The following DCDC1 variants were observed in gnomAD, a reference collection of about 807,000 sequenced individuals.
DCDC1 encodes the protein doublecortin domain containing 1, also known as doublecortin domain-containing protein 1.
A neutral mutation model predicts 178.3 loss-of-function variants in DCDC1; 200 were observed. That is an observed-to-expected ratio of 1.12 (90% CI 1.00 to 1.26). DCDC1 has a LOEUF of 1.26. DCDC1 is among the 50% of genes most tolerant of loss of function. DCDC1 has a pLI of 0.00. For synonymous variants in DCDC1, 690 were observed against 604.8 expected (o/e 1.14, Z -2.07); for missense variants, 1,983 against 1,749.2 (o/e 1.13, Z -2.38).
chr11:31,316,399 T>C (rs1406975834), intron 3 of DCDC1, among the ~76,000 whole-genome samples: 8 of 73,460 alleles, frequency 1.1e-4, no homozygotes, highest in African/African-American at 5.5e-4. Context: ...ATTTCTCTGA[T>C]GGCCAGTGAT....
chr11:31,202,162 T>C (rs1331161525), intron 9 of DCDC1, among the ~76,000 whole-genome samples: 1 of 152,208 alleles, frequency 6.6e-6, no homozygotes, highest in Admixed American at 6.5e-5. Flanking sequence ...CCAGGTACCC[T>C]GCACCACAGG....
chr11:30,888,098 A>AAAAGAAAGAAAG lies in DCDC1; in HGVS notation c.5082+4708_5082+4719dup, dbSNP rs59770180. Among the ~76,000 whole-genome samples, 514 of 105,452 alleles carry AAAAGAAAGAAAG rather than the reference A, an allele frequency of 4.9e-3. 6 individuals carry two copies. The highest frequency in any genetic ancestry group is 0.011 in the East Asian group (39 of 3,608). 69.2% of individuals were successfully genotyped at this position (105,452 alleles called of 152,430 possible). A position where few individuals can be genotyped will look rare whatever the true frequency, so the allele number is the denominator to read the frequency against. ...AGAGAGAGAGAGAAAGAAAGAAAGA[A>AAAAGAAAGAAAG]AAAGAAAGAAAGAAAGAAAGAAAGA... On this transcript the variant is annotated intron_variant, in intron 36 of 38. Coordinates refer to ENST00000684477, the MANE Select transcript of DCDC1 (RefSeq NM_001387274.1).
At chr11:30,884,776 A>C (rs1943016987) in intron 36 of DCDC1, among the ~76,000 whole-genome samples, 1 of 152,074 alleles carries the variant, frequency 6.6e-6, no homozygotes, top group South Asian at 2.1e-4. Context: ...TACTAAAATA[A>C]GCATATTTTA....
At chr11:31,006,716 TCTAA>T (rs764494339) in intron 20 of DCDC1, among the ~76,000 whole-genome samples, 122 of 152,320 alleles carry the variant, frequency 8.0e-4, no homozygotes, top group Non-Finnish European at 1.6e-3. Flanking sequence ...AAATATTCGC[TCTAA>T]CTAACAATAA....
At chr11:31,295,970 C>T (rs2137468607) in intron 6 of DCDC1, among the ~76,000 whole-genome samples, 1 of 152,274 alleles carries the variant, frequency 6.6e-6, no homozygotes, top group Middle Eastern at 3.4e-3. Flanking sequence ...TCCTCCATCA[C>T]ATCTGACATT....
intron 1 of DCDC1, among the ~76,000 whole-genome samples, chr11:31,344,804 C>T (rs1314526555): frequency 6.6e-6 from 1 of 152,158 alleles, no homozygotes. Context: ...GAAGCTGGCA[C>T]TTTAAAAAAA....
intron 8 of DCDC1, among the ~76,000 whole-genome samples, chr11:31,251,232 T>C (rs1045439408): frequency 1.3e-5 from 2 of 152,214 alleles, no homozygotes; most frequent in African/African-American, 2.4e-5. Flanking sequence ...ATAATTACTA[T>C]ACACAGGGTG....
intron 9 of DCDC1, among the ~76,000 whole-genome samples, chr11:31,198,426 T>G (rs1970935986): frequency 6.6e-6 from 1 of 151,970 alleles, no homozygotes; most frequent in African/African-American, 2.4e-5. Context: ...AATAAAAATA[T>G]TATGAATTCC....
chr11:31,305,947 G>A (rs991734186), intron 5 of DCDC1, among the ~76,000 whole-genome samples, 170 bp from the exon 6 acceptor site: 4 of 152,082 alleles, frequency 2.6e-5, no homozygotes, highest in Non-Finnish European at 5.9e-5. Context: ...GTCACAGCAT[G>A]AAGCATATCT....
chr11:31,210,665 C>T (rs1972408067), intron 9 of DCDC1, among the ~76,000 whole-genome samples: 1 of 148,008 alleles, frequency 6.8e-6, no homozygotes, highest in South Asian at 2.1e-4. Context: ...GAGCCAAGAT[C>T]ACGCCACTGC....
At chr11:31,040,416 G>GC (rs1425978202) in intron 20 of DCDC1, among the ~76,000 whole-genome samples, 1 of 152,078 alleles carries the variant, frequency 6.6e-6, no homozygotes, top group African/African-American at 2.4e-5. Flanking sequence ...CTCATTTCTA[G>GC]CAAGTTGCCA....
intron 9 of DCDC1, among the ~76,000 whole-genome samples, chr11:31,222,131 C>T (rs557155046): frequency 2.0e-5 from 3 of 152,186 alleles, no homozygotes; most frequent in Middle Eastern, 3.4e-3. Flanking sequence ...GGTGTGATGT[C>T]GGCTCACTGC....
chr11:30,920,005 G>T (rs933715516), intron 25 of DCDC1, among the ~76,000 whole-genome samples: 1 of 152,172 alleles, frequency 6.6e-6, no homozygotes, highest in South Asian at 2.1e-4. Context: ...TGACTTCAAT[G>T]CTAAAGTATC....
intron 9 of DCDC1, among the ~76,000 whole-genome samples, chr11:31,218,835 A>G (rs1163426857): frequency 1.3e-5 from 2 of 152,184 alleles, no homozygotes; most frequent in Non-Finnish European, 2.9e-5. Context: ...CCAAAACTGG[A>G]AAAATCCCAA....
In DCDC1 at chr11:31,307,900, A is replaced by G; in HGVS notation, c.173T>C (p.Met58Thr). The part of the protein sequence containing the change: ...YILNDLPREF[M>T]SSQAKAVIKT... The stretch of plus-strand genomic sequence containing the variant: ...AATAACTGCTTTTGCCTGGGATGAC[A>G]TAAACTCTCTGGAAGAAACAATGCA... Residue 58 changes from methionine (M) to threonine (T), a missense_variant, in exon 4 of 39, where the codon ATG becomes ACG. By Grantham distance (81) the Met-to-Thr change is moderately conservative (BLOSUM62 -1). Coordinates refer to ENST00000684477, the MANE Select transcript of DCDC1 (RefSeq NM_001387274.1). 1 of 1,614,020 alleles carries G rather than the reference A, an allele frequency of 6.2e-7. No homozygotes were observed. Among genetic ancestry groups the G allele is most frequent in the Non-Finnish European group, 8.5e-7 (1 of 1,179,920 alleles).
intron 7 of DCDC1, chr11:31,280,829 T>C (rs1026668615): frequency 5.5e-5 from 34 of 620,522 alleles, no homozygotes; most frequent in Middle Eastern, 6.1e-4. Flanking sequence ...TTTGTTCTTA[T>C]TGGCATCTGT....
chr11:31,023,544 G>A (rs925917699), intron 20 of DCDC1, among the ~76,000 whole-genome samples: 2 of 151,714 alleles, frequency 1.3e-5, no homozygotes, highest in African/African-American at 4.8e-5. Flanking sequence ...GATCCAAAGA[G>A]GAAAACAAAT....
chr11:30,906,556 A>T lies in DCDC1; in HGVS notation c.4088T>A (p.Val1363Asp). 1 of 1,612,934 alleles carries T rather than the reference A, an allele frequency of 6.2e-7. No homozygotes were observed. Among genetic ancestry groups the T allele is most frequent in the Admixed American group, 1.7e-5 (1 of 59,860 alleles). ...QKPFLQGPFK[V>D]ISVAEVDLSC... ...ATTACATACCTCAGCCACACTGATG[A>T]CCTTGAAGGGCCCTTGTAAGAAGGG... Residue 1363 changes from valine (V) to aspartate (D), a missense_variant, in exon 30 of 39, where the codon GTC (valine) becomes GAC (aspartate). Physicochemically the swap from Val to Asp is radical, Grantham distance 152 (BLOSUM62 -3). Coordinates refer to ENST00000684477, the MANE Select transcript of DCDC1 (RefSeq NM_001387274.1).
At chr11:31,149,785 G>A (rs367852292) in intron 9 of DCDC1, among the ~76,000 whole-genome samples, 2 of 151,876 alleles carry the variant, frequency 1.3e-5, no homozygotes, top group South Asian at 4.2e-4. Context: ...GCAAGACCAC[G>A]AACCCACAGG....
Sources: allele counts gnomAD v4.1 joint callset (sites outside exome capture counted in the v4.1 genomes callset), GRCh38; gene constraint gnomAD v4.1.1; transcripts MANE v1.5; gene names NCBI Gene and HGNC (gene_info 2026-07-23, HGNC 2026-07-21).